Variants in ANKRD28 observed in about 807,000 individuals in gnomAD.
ANKRD28 encodes ankyrin repeat domain 28, also known as serine/threonine-protein phosphatase 6 regulatory ankyrin repeat subunit A.
A neutral mutation model predicts 126.5 loss-of-function variants in ANKRD28; 44 were observed. The ratio of observed to expected loss-of-function variants is 0.35; its 90% CI spans 0.27 to 0.45. ANKRD28 has a LOEUF of 0.45. ANKRD28 is among the 20% of genes least tolerant of loss of function. ANKRD28 has a pLI of 1.00. For synonymous variants in ANKRD28, 442 were observed against 468.5 expected, an observed-to-expected ratio of 0.94 and a Z score of 0.73; for missense variants, 1,110 against 1,316.6, an observed-to-expected ratio of 0.84 and a Z score of 2.43.
At chr3:15,677,139 C>G in intron 25 of ANKRD28, 83 bp from the exon 26 acceptor site, 1 of 1,114,808 alleles carries the variant, frequency 9.0e-7, no homozygotes, top group Non-Finnish European at 1.4e-6. Context: ...AATCCTAGTC[C>G]ATATATTATG....
chr3:15,706,582 T>G (rs1297671156), intron 14 of ANKRD28, among the ~76,000 whole-genome samples: 1 of 152,186 alleles, frequency 6.6e-6, no homozygotes, highest in African/African-American at 2.4e-5. Context: ...CAGCATGATT[T>G]ATAATCCTTT....
intron 27 of ANKRD28, among the ~76,000 whole-genome samples, chr3:15,675,229 G>A (rs1261101933): frequency 6.6e-6 from 1 of 152,008 alleles, no homozygotes; most frequent in Non-Finnish European, 1.5e-5. Context: ...CGAGATCATG[G>A]CACTGCACTC....
At chr3:15,823,390 TA>T (rs757767303) in intron 1 of ANKRD28, among the ~76,000 whole-genome samples, 9 of 152,072 alleles carry the variant, frequency 5.9e-5, no homozygotes, top group Non-Finnish European at 1.2e-4. Context: ...CTATAACAAA[TA>T]AAGAGATTGA....
Position 15,677,012 on chromosome 3 carries a change from A to G in ANKRD28, c.2835T>C (p.Asp945=). The change falls in exon 26 of 28, where the codon GAT becomes GAC. Residue 945 remains aspartate (D), a synonymous_variant. Transcript: ENST00000683139. The stretch of plus-strand genomic sequence containing the variant: ...CGTTGGTTGCATTGATGAGGTTTCT[A>G]TCTGTTATCTTTTCCAGTATTAACA... The part of the protein sequence containing the change: ...SALLILEKIT[D]RNLINATNAA... The G allele has an allele frequency of 1.2e-6, 2 of 1,613,400 alleles. No individual in the cohort carries two copies. Among genetic ancestry groups the G allele is most frequent in the African/African-American group, 1.3e-5 (1 of 74,994 alleles).
At chr3:15,702,830 C>T (rs751999669) in intron 14 of ANKRD28, among the ~76,000 whole-genome samples, 17 of 152,096 alleles carry the variant, frequency 1.1e-4, no homozygotes, top group Non-Finnish European at 4.4e-5. Flanking sequence ...CCCACCACCC[C>T]ACCCCTGGCC....
chr3:15,724,454 A>G lies in ANKRD28; in HGVS notation c.711T>C (p.Tyr237=), dbSNP rs755760812. The G allele has an allele frequency of 2.6e-5, 42 of 1,600,962 alleles. No homozygotes were observed. Among genetic ancestry groups the G allele is most frequent in the Admixed American group, 2.1e-4 (12 of 58,302 alleles). ...AEVTCKDKKS[Y]TPLHAAASSG... is the part of the protein sequence containing the mutation. ...TAGAGGCTGCTGCATGAAGAGGTGT[A>G]TAAGACTTTTTATCCTTGCATGTCA... The change falls in exon 7 of 28, where the codon TAT becomes TAC. Residue 237 remains tyrosine (Y), a synonymous_variant. Coordinates refer to ENST00000683139, the MANE Select transcript of ANKRD28 (RefSeq NM_001349278.2).
At chr3:15,824,120 C>A (rs1433488990) in intron 1 of ANKRD28, among the ~76,000 whole-genome samples, 2 of 152,152 alleles carry the variant, frequency 1.3e-5, no homozygotes, top group Non-Finnish European at 2.9e-5. Context: ...ACCAAAAAAT[C>A]ATCTCTATTT....
Position 15,850,198 on chromosome 3 carries a change from A to T in ANKRD28, c.27+9179T>A, listed in dbSNP as rs1397189381. Among the ~76,000 whole-genome samples, 48 of 42,134 alleles carry T rather than the reference A, an allele frequency of 1.1e-3. No individual in the cohort carries two copies. In the East Asian group the frequency reaches 0.018, roughly 16 times the overall value. The allele number at this position is 42,134 out of a possible 152,430, so 27.6% of individuals were successfully genotyped here. On this transcript the variant is annotated intron_variant, in intron 1 of 27. Coordinates refer to the ANKRD28 transcript ENST00000399451. ...TGGGTATCTACATGCAATAAAAAAA[A>T]AAAAAAATATATATATATATATATA... is the stretch of plus-strand genomic sequence containing the variant.
intron 1 of ANKRD28, among the ~76,000 whole-genome samples, chr3:15,836,589 T>C (rs889603343): frequency 1.3e-5 from 2 of 152,108 alleles, no homozygotes; most frequent in Middle Eastern, 3.2e-3. Context: ...CCTAACACTT[T>C]AGATTCAAAG....
At chr3:15,700,183 AAGG>A (rs908298889) in intron 14 of ANKRD28, among the ~76,000 whole-genome samples, 3 of 152,168 alleles carry the variant, frequency 2.0e-5, no homozygotes, top group Non-Finnish European at 4.4e-5. Flanking sequence ...GGAGCTGAAC[AAGG>A]AGAACACATG....
intron 3 of ANKRD28, among the ~76,000 whole-genome samples, chr3:15,763,657 A>AGG (rs2058602784): frequency 1.3e-5 from 2 of 152,176 alleles, no homozygotes; most frequent in South Asian, 4.1e-4. Context: ...TAAGCGGCTG[A>AGG]AGAAGGTTTA....
intron 2 of ANKRD28, among the ~76,000 whole-genome samples, chr3:15,778,770 T>C (rs1028898864): frequency 6.6e-6 from 1 of 152,190 alleles, no homozygotes; most frequent in Non-Finnish European, 1.5e-5. Flanking sequence ...AGACCTGATA[T>C]GGTTTGGCTC....
At chr3:15,736,440 G>A (rs912004866) in intron 5 of ANKRD28, among the ~76,000 whole-genome samples, 3 of 152,046 alleles carry the variant, frequency 2.0e-5, no homozygotes, top group Non-Finnish European at 4.4e-5. Context: ...CAGAATCTTG[G>A]GAATGTTACT....
At chr3:15,841,600 C>T (rs1234283453) in intron 1 of ANKRD28, among the ~76,000 whole-genome samples, 3 of 151,834 alleles carry the variant, frequency 2.0e-5, no homozygotes, top group Non-Finnish European at 4.4e-5. Context: ...ACCTAATAAC[C>T]CAATAAAAAA....
In ANKRD28 at chr3:15,846,709, A is replaced by C. The variant is rs529696579; in HGVS notation, c.27+12668T>G. On this transcript the variant is annotated intron_variant, in intron 1 of 27. Coordinates refer to the ANKRD28 transcript ENST00000399451. This position sits in a 1 kb window ranked among gnomAD's most constrained non-coding sequence, Gnocchi z 5.4. The stretch of plus-strand genomic sequence containing the variant: ...ATTTCATGCTCACATAAAGTCAAAA[A>C]ATCTATGTTAATGATCAGCTGGGTG... Among the ~76,000 whole-genome samples, 10 of 152,322 alleles carry C rather than the reference A, an allele frequency of 6.6e-5. No individual in the cohort carries two copies. The East Asian group carries it at 1.9e-3, about 29-fold the overall frequency.
intron 1 of ANKRD28, among the ~76,000 whole-genome samples, chr3:15,848,809 A>G (rs976340085): frequency 1.3e-5 from 2 of 152,208 alleles, no homozygotes; most frequent in Non-Finnish European, 2.9e-5. Flanking sequence ...CATGAACAAG[A>G]CAAGGATGTC....
In ANKRD28 at chr3:15,839,579, A is replaced by G. The variant is rs1003035294; in HGVS notation, c.27+19798T>C. 2.0e-5 allele frequency among the ~76,000 whole-genome samples: 3 copies of G among 152,166 alleles called. No individual in the cohort carries two copies. Among genetic ancestry groups the G allele is most frequent in the Admixed American group, 1.3e-4 (2 of 15,278 alleles). On this transcript the variant is annotated intron_variant, in intron 1 of 27. Coordinates refer to the ANKRD28 transcript ENST00000399451. The surrounding 1 kb of genome is among the most constrained non-coding windows in gnomAD (Gnocchi z 4.3). Reference sequence around the variant, plus strand: ...TAATAACATGATACATGAACCAGACAAAGACACATTAAAAAAAAAGAAAAC... The same window carrying G: ...TAATAACATGATACATGAACCAGACGAAGACACATTAAAAAAAAAGAAAAC...
intron 16 of ANKRD28, 82 bp from the exon 17 acceptor site, chr3:15,694,895 C>T (rs2125877199): frequency 7.6e-6 from 10 of 1,316,068 alleles, no homozygotes; most frequent in Admixed American, 1.8e-5. Context: ...TCAAATCCAC[C>T]TTAGAGTATT....
chr3:15,778,304 G>T (rs1360167353), intron 2 of ANKRD28, among the ~76,000 whole-genome samples: 5 of 152,132 alleles, frequency 3.3e-5, no homozygotes, highest in African/African-American at 7.2e-5. Context: ...TAATCTTTTA[G>T]TTCACAGTTT....
Sources: allele counts gnomAD v4.1 joint callset (sites outside exome capture counted in the v4.1 genomes callset), GRCh38; gene constraint gnomAD v4.1.1; non-coding constraint Gnocchi (gnomAD v3.1); transcripts MANE v1.5; gene names NCBI Gene and HGNC (gene_info 2026-07-23, HGNC 2026-07-21).